The following PIKFYVE variants were observed in gnomAD, a reference collection of about 807,000 sequenced individuals.
PIKFYVE encodes phosphoinositide kinase, FYVE-type zinc finger containing, also known as 1-phosphatidylinositol 3-phosphate 5-kinase.
PIKFYVE carries 122 observed loss-of-function variants against 257.9 expected under a neutral mutation model. That is an observed-to-expected ratio of 0.47 (90% CI 0.41 to 0.55). The LOEUF (loss-of-function observed/expected upper bound fraction) is 0.55, where lower values mean the gene tolerates loss of function less well. Ranked by LOEUF, PIKFYVE falls within the 20% of genes least tolerant of loss-of-function variation. The pLI, the probability that PIKFYVE is intolerant of heterozygous loss-of-function variation, is 0.00. For synonymous variants in PIKFYVE, 892 were observed against 868.9 expected (o/e 1.03, Z -0.47); for missense variants, 2,160 against 2,536.6 (o/e 0.85, Z 3.19).
chr2:208,329,953 T>C (rs1697328373), intron 22 of PIKFYVE, 40 bp downstream of exon 22: 14 of 1,602,282 alleles, frequency 8.7e-6, no homozygotes, highest in Non-Finnish European at 1.1e-5. Flanking sequence ...TTACACATTT[T>C]TGATGCTCAA....
At chr2:208,283,829 C>G (rs1691172078) in intron 5 of PIKFYVE, among the ~76,000 whole-genome samples, 1 of 152,214 alleles carries the variant, frequency 6.6e-6, no homozygotes, top group Admixed American at 6.5e-5. Flanking sequence ...AGCAGTCCGC[C>G]TGCCTTGGCC....
chr2:208,341,734 T>G (rs12618837), intron 31 of PIKFYVE, among the ~76,000 whole-genome samples: 1 of 151,986 alleles, frequency 6.6e-6, no homozygotes, highest in Non-Finnish European at 1.5e-5. Flanking sequence ...TTCAAGAGTA[T>G]TCCACTCTCA....
At chr2:208,314,051 T>C (rs1214567620) in intron 13 of PIKFYVE, among the ~76,000 whole-genome samples, 1 of 152,246 alleles carries the variant, frequency 6.6e-6, no homozygotes, top group Non-Finnish European at 1.5e-5. Context: ...TTTTGGCTGT[T>C]GCCAATTACT....
intron 5 of PIKFYVE, among the ~76,000 whole-genome samples, chr2:208,282,865 T>C (rs2125112340): frequency 1.3e-5 from 2 of 152,256 alleles, no homozygotes; most frequent in South Asian, 4.2e-4. Flanking sequence ...GACGAAACTA[T>C]TCCACCTTAG....
intron 15 of PIKFYVE, 132 bp from the exon 16 acceptor site, chr2:208,317,735 T>C (rs1695712015): frequency 2.4e-6 from 2 of 818,572 alleles, no homozygotes; most frequent in Non-Finnish European, 4.1e-6. Flanking sequence ...GAAGTATTAT[T>C]TCCTGAAATT....
chr2:208,304,348 T>C (rs1694067527), intron 11 of PIKFYVE, 30 bp downstream of exon 11: 2 of 1,605,124 alleles, frequency 1.2e-6, no homozygotes, highest in Admixed American at 3.3e-5. Flanking sequence ...ATTTTAGTTT[T>C]GATGGGTCAT....
chr2:208,285,689 C>A, intron 5 of PIKFYVE, 37 bp from the exon 6 acceptor site: 1 of 1,565,488 alleles, frequency 6.4e-7, no homozygotes, highest in African/African-American at 1.4e-5. Flanking sequence ...TCTTTTCCTT[C>A]AATTTCCTTG....
intron 1 of PIKFYVE, among the ~76,000 whole-genome samples, chr2:208,270,866 T>G (rs2124980983): frequency 6.6e-6 from 1 of 152,062 alleles, no homozygotes; most frequent in South Asian, 2.1e-4. Flanking sequence ...AAACCCCATC[T>G]CTACTGAAAA....
rs193111054 is a variant in PIKFYVE at position 208,346,008 on chromosome 2, T to A, written c.5112-42T>A. On this transcript the variant is annotated intron_variant, in intron 33 of 41. Coordinates refer to ENST00000264380, the MANE Select transcript of PIKFYVE (RefSeq NM_015040.4). ...AGTACTTACTATTTTCTGTTTGACT[T>A]GTATAAAACTAAATTTTTCTTTTTT... The A allele has an allele frequency of 1.9e-4, 276 of 1,456,578 alleles. 1 individual carries two copies. In the East Asian group the frequency reaches 5.4e-3, roughly 29 times the overall value. 90.2% of individuals were successfully genotyped at this position (1,456,578 alleles called of 1,614,324 possible). A position where few individuals can be genotyped will look rare whatever the true frequency, so the allele number is the denominator to read the frequency against.
chr2:208,305,347 T>C, intron 12 of PIKFYVE: 1 of 1,159,166 alleles, frequency 8.6e-7, no homozygotes, highest in Admixed American at 4.1e-5. Context: ...TGCTCTATTC[T>C]TTTCTCTTTC....
chr2:208,296,065 C>T (rs1249505656), intron 7 of PIKFYVE, among the ~76,000 whole-genome samples: 8 of 151,700 alleles, frequency 5.3e-5, no homozygotes, highest in Admixed American at 1.3e-4. Context: ...AGTGCAGTGG[C>T]GCAATTTCAC....
intron 12 of PIKFYVE, among the ~76,000 whole-genome samples, chr2:208,307,415 A>G (rs1694455824): frequency 6.6e-6 from 1 of 152,190 alleles, no homozygotes; most frequent in South Asian, 2.1e-4. Flanking sequence ...GAGATAGAGA[A>G]TTAATGGTTT....
intron 1 of PIKFYVE, chr2:208,270,009 A>T (rs12185709): frequency 0.8 from 143,754 of 180,226 alleles, 58,842 homozygotes; most frequent in East Asian, 0.99. Flanking sequence ...CATCTCTTGC[A>T]GGGTCCGTGT....
chr2:208,322,867 C>T (rs1390663368), intron 17 of PIKFYVE, among the ~76,000 whole-genome samples: 3 of 132,584 alleles, frequency 2.3e-5, no homozygotes, highest in Admixed American at 7.7e-5. Context: ...CATGACAGGC[C>T]CCCGTGTATG....
In PIKFYVE at chr2:208,333,234, A is replaced by C. The variant is rs1299281879; in HGVS notation, c.3964-81A>C. The stretch of plus-strand genomic sequence containing the variant: ...GGGTGACAGAGCGAGACTCCATCTC[A>C]AAAAAAAAAAAGAAAATGTTATTTT... On this transcript the variant is annotated intron_variant, in intron 23 of 41. Coordinates refer to ENST00000264380, the MANE Select transcript of PIKFYVE (RefSeq NM_015040.4). The C allele has an allele frequency of 1.3e-4, 64 of 495,642 alleles. No homozygotes were observed. In the South Asian group the frequency reaches 2.6e-3, roughly 20 times the overall value. 30.7% of individuals were successfully genotyped at this position (495,642 alleles called of 1,614,324 possible).
At chr2:208,302,377 A>G (rs201486905) in intron 10 of PIKFYVE, 24 bp downstream of exon 10, 85 of 1,554,672 alleles carry the variant, frequency 5.5e-5, no homozygotes, top group Non-Finnish European at 5.8e-5. Flanking sequence ...TTTACTGCCA[A>G]TTAGAATGTA....
chr2:208,314,642 TAA>T (rs950695726), intron 14 of PIKFYVE, among the ~76,000 whole-genome samples: 63 of 152,346 alleles, frequency 4.1e-4, no homozygotes, highest in African/African-American at 1.4e-3. Context: ...CTCACGCCTG[TAA>T]TCCCAGCACT....
intron 40 of PIKFYVE, 108 bp from the exon 41 acceptor site, chr2:208,354,463 A>G: frequency 4.7e-6 from 5 of 1,067,218 alleles, no homozygotes; most frequent in Non-Finnish European, 7.2e-6. Context: ...GTTAGCACTC[A>G]ATAAAAGTTA....
chr2:208,326,424 A>G lies in PIKFYVE; in HGVS notation c.3613A>G (p.Thr1205Ala), dbSNP rs747196858. The change falls in exon 20 of 42, where the codon ACA becomes GCA. Residue 1205 changes from threonine to alanine, a missense_variant. Coordinates refer to ENST00000264380, the MANE Select transcript of PIKFYVE (RefSeq NM_015040.4). ...TATTCTGAGTGATGCTGTGTGGTCA[A>G]CAAAGGTGAGCCAGACCACTTTCTG... ...GLILSDAVWS[T>A]KVDCLNPINH... 23 of 1,614,054 alleles carry G rather than the reference A, an allele frequency of 1.4e-5. No homozygotes were observed. The highest frequency in any genetic ancestry group is 2.7e-5 in the African/African-American group (2 of 75,048).
Sources: allele counts gnomAD v4.1 joint callset (sites outside exome capture counted in the v4.1 genomes callset), GRCh38; gene constraint gnomAD v4.1.1; transcripts MANE v1.5; gene names NCBI Gene and HGNC (gene_info 2026-07-23, HGNC 2026-07-21).